Variants in EXOC2 observed in about 807,000 individuals in gnomAD.
EXOC2 encodes the protein SEC5-like 1.
EXOC2 carries 70 observed loss-of-function variants against 131.8 expected under a neutral mutation model. That is an observed-to-expected ratio of 0.53 (90% CI 0.44 to 0.65). EXOC2 has a LOEUF of 0.65. EXOC2 is among the 30% of genes least tolerant of loss of function. The pLI, the probability that EXOC2 is intolerant of heterozygous loss-of-function variation, is 0.00. For synonymous variants in EXOC2, 411 were observed against 398.4 expected, an observed-to-expected ratio of 1.03 and a Z score of -0.38; for missense variants, 923 against 1,108.6, an observed-to-expected ratio of 0.83 and a Z score of 2.38.
rs1007510948 is a variant in EXOC2, at chr6:657,242, C to T, written c.-43-19381G>A. On this transcript the variant is annotated intron_variant, in intron 1 of 27. Coordinates refer to ENST00000230449, the MANE Select transcript of EXOC2 (RefSeq NM_018303.6). ...AGTAGGCATTCCACTGCTGAAACTT[C>T]TTAGTATTCTAAACACAATGAAGAC... 1.0e-5 allele frequency: 3 copies of T among 293,110 alleles called. No homozygotes were observed. In the Admixed American group the frequency reaches 1.5e-4, roughly 15 times the overall value. The allele number at this position is 293,110 out of a possible 1,614,324, so 18.2% of individuals were successfully genotyped here.
chr6:531,201 GA>G (rs1766057098), intron 23 of EXOC2, among the ~76,000 whole-genome samples: 1 of 152,262 alleles, frequency 6.6e-6, no homozygotes, highest in Admixed American at 6.5e-5. Context: ...TCCAGCTGGA[GA>G]GGGGCTGTGA....
chr6:572,809 G>A (rs181307727), intron 12 of EXOC2, among the ~76,000 whole-genome samples, 165 bp from the exon 13 acceptor site: 5 of 152,308 alleles, frequency 3.3e-5, no homozygotes, highest in East Asian at 3.9e-4. Flanking sequence ...CACCGGCAGC[G>A]GTACGCTCGT....
chr6:641,205 C>G lies in EXOC2; in HGVS notation c.-43-3344G>C, dbSNP rs762522281. On this transcript the variant is annotated intron_variant, in intron 1 of 27. Transcript: ENST00000230449. ...CTGACAGCTAATGTCTAAAACGGAC[C>G]ACCAAGAAATGGCAGATTAGAAGAA... 2.6e-5 allele frequency among the ~76,000 whole-genome samples: 4 copies of G among 151,958 alleles called. No individual in the cohort carries two copies. In the South Asian group the frequency reaches 8.4e-4, roughly 32 times the overall value.
intron 6 of EXOC2, 55 bp from the exon 7 acceptor site, chr6:610,233 TA>T (rs1386687063): frequency 2.9e-6 from 4 of 1,376,756 alleles, no homozygotes; most frequent in South Asian, 1.2e-5. Flanking sequence ...GGAGATACAT[TA>T]AATCAAAATG....
chr6:503,816 C>G (rs1764366110), intron 23 of EXOC2, among the ~76,000 whole-genome samples: 2 of 152,150 alleles, frequency 1.3e-5, no homozygotes, highest in Non-Finnish European at 2.9e-5. Context: ...CCGGCCACAG[C>G]TGGGTACTGG....
chr6:564,379 G>A (rs1309643108), intron 15 of EXOC2, among the ~76,000 whole-genome samples, 166 bp downstream of exon 15: 1 of 152,144 alleles, frequency 6.6e-6, no homozygotes, highest in Non-Finnish European at 1.5e-5. Flanking sequence ...ACAAAAACCA[G>A]GAACAGTGAG....
At chr6:539,196 TACTC>T (rs1766654572) in intron 22 of EXOC2, among the ~76,000 whole-genome samples, 1 of 152,200 alleles carries the variant, frequency 6.6e-6, no homozygotes, top group Non-Finnish European at 1.5e-5. Flanking sequence ...GAAATAGACT[TACTC>T]ACTGAATTCG....
rs371309423 is a variant in EXOC2 at position 531,956 on chromosome 6, GA to G, written c.2380+512del. 5.4e-3 allele frequency among the ~76,000 whole-genome samples: 823 copies of G among 152,298 alleles called. 9 individuals carry two copies. The highest frequency in any genetic ancestry group is 0.019 in the African/African-American group (781 of 41,568). On this transcript the variant is annotated intron_variant, in intron 23 of 27. Coordinates refer to ENST00000230449, the MANE Select transcript of EXOC2 (RefSeq NM_018303.6). Reference sequence around the variant, plus strand: ...AGTGACTTTCATTTGAAATCACAAAGATAATACTTGAACTGTGTCATTCATC... The same window carrying G: ...AGTGACTTTCATTTGAAATCACAAAGTAATACTTGAACTGTGTCATTCATC...
chr6:681,867 G>A (rs1040901466), intron 1 of EXOC2, among the ~76,000 whole-genome samples: 52 of 152,224 alleles, frequency 3.4e-4, no homozygotes, highest in African/African-American at 1.1e-3. Context: ...AACTGCTCTG[G>A]AGGATAATTC....
At chr6:496,072 C>A (rs1193688962) in intron 25 of EXOC2, among the ~76,000 whole-genome samples, 1 of 151,874 alleles carries the variant, frequency 6.6e-6, no homozygotes, top group East Asian at 1.9e-4. Context: ...GTTTCTATTT[C>A]TCCGCCGAGA....
intron 23 of EXOC2, among the ~76,000 whole-genome samples, chr6:518,490 A>C (rs1765286295): frequency 1.3e-5 from 2 of 152,272 alleles, no homozygotes; most frequent in African/African-American, 4.8e-5. Context: ...AACATAATAA[A>C]ATAAATACTT....
chr6:612,302 C>T (rs1414845996), intron 6 of EXOC2, among the ~76,000 whole-genome samples: 1 of 152,218 alleles, frequency 6.6e-6, no homozygotes, highest in Non-Finnish European at 1.5e-5. Flanking sequence ...CCGGCCTGTA[C>T]AAAGGCTGTG....
At chr6:615,182 GGT>G (rs201428433) in intron 6 of EXOC2, among the ~76,000 whole-genome samples, 2,324 of 121,076 alleles carry the variant, frequency 0.019, 65 homozygotes, top group African/African-American at 0.082. Flanking sequence ...TGTGGGTGTG[GGT>G]GTGTGTGTGT....
At chr6:581,189 G>C (rs1758876050) in intron 11 of EXOC2, among the ~76,000 whole-genome samples, 1 of 151,830 alleles carries the variant, frequency 6.6e-6, no homozygotes. Flanking sequence ...CCAGCTACTC[G>C]AGAGGCTGAG....
chr6:646,869 T>C (rs1304344945), intron 1 of EXOC2, among the ~76,000 whole-genome samples: 1 of 152,230 alleles, frequency 6.6e-6, no homozygotes, highest in Admixed American at 6.5e-5. Flanking sequence ...TTTAGTATGG[T>C]AGCATATTAA....
At chr6:572,014 G>C (rs1355561636) in intron 13 of EXOC2, among the ~76,000 whole-genome samples, 1 of 152,218 alleles carries the variant, frequency 6.6e-6, no homozygotes, top group Non-Finnish European at 1.5e-5. Flanking sequence ...GCAGAAGGTG[G>C]ACGGGCTCAT....
At chr6:548,856 G>T (rs367788755) in intron 22 of EXOC2, among the ~76,000 whole-genome samples, 1 of 152,318 alleles carries the variant, frequency 6.6e-6, no homozygotes, top group South Asian at 2.1e-4. Context: ...AATTCTGAAA[G>T]ATCTGGGTTT....
In EXOC2 at chr6:513,212, G is replaced by A. The variant is rs78091286; in HGVS notation, c.2381-13512C>T. On this transcript the variant is annotated intron_variant, in intron 23 of 27. Transcript: ENST00000230449. ...TTATCTTCAGTGTGCTCCAGTCCCC[G>A]TGGGGAAGAGCCAGACCACGTGCCG... is the stretch of plus-strand genomic sequence containing the variant. Among the ~76,000 whole-genome samples the A allele has an allele frequency of 2.7e-3, 408 of 152,380 alleles. 2 individuals are homozygous for A. The East Asian group carries it at 0.042, about 16-fold the overall frequency.
chr6:548,667 G>T (rs1392460287), intron 22 of EXOC2, among the ~76,000 whole-genome samples: 1 of 152,146 alleles, frequency 6.6e-6, no homozygotes, highest in African/African-American at 2.4e-5. Context: ...CTGAGCCAGC[G>T]GCTGTGTGTG....
Sources: gnomAD v4.1 joint callset for allele counts (sites outside exome capture counted in the v4.1 genomes callset) on GRCh38, gnomAD v4.1.1 for gene constraint, MANE v1.5 for transcripts, NCBI Gene and HGNC (gene_info 2026-07-23, HGNC 2026-07-21) for gene names.